Variants in NSD2 observed in about 807,000 individuals in gnomAD.
The protein encoded by NSD2 is nuclear receptor binding SET domain protein 2.
A neutral mutation model predicts 139.0 loss-of-function variants in NSD2; 12 were observed. That is an observed-to-expected ratio of 0.09 (90% CI 0.06 to 0.14). The LOEUF (loss-of-function observed/expected upper bound fraction) is 0.14, where lower values mean the gene tolerates loss of function less well. Among genes scored for constraint, NSD2 ranks in the 10% least tolerant of loss-of-function variants. The pLI, the probability that NSD2 is intolerant of heterozygous loss-of-function variation, is 1.00. For missense variants in NSD2, 1,155 were observed against 1,745.0 expected (o/e 0.66, Z 6.02); for synonymous variants, 669 against 648.7 (o/e 1.03, Z -0.48).
chr4:1,890,817 C>G lies in NSD2; in HGVS notation c.-29-9809C>G, dbSNP rs191956605. On this transcript the variant is annotated intron_variant, in intron 1 of 21. Coordinates refer to ENST00000508803, the MANE Select transcript of NSD2 (RefSeq NM_001042424.3). ...TTCACCATGTTGGCCAGGCTGGTCT[C>G]GAACTCCTGACCTCAGGTGATCACC... 5.4e-3 allele frequency among the ~76,000 whole-genome samples: 823 copies of G among 151,868 alleles called. 5 individuals are homozygous for G. The highest frequency in any genetic ancestry group is 0.019 in the African/African-American group (792 of 41,392).
intron 7 of NSD2, among the ~76,000 whole-genome samples, chr4:1,935,874 CAAAA>C (rs3216204): frequency 3.3e-5 from 5 of 151,586 alleles, no homozygotes; most frequent in Admixed American, 6.6e-5. Context: ...AAAAAACAAA[CAAAA>C]AAACCCCCAA....
At chr4:1,940,548 G>A in intron 9 of NSD2, 2 of 1,064,622 alleles carry the variant, frequency 1.9e-6, no homozygotes, top group Non-Finnish European at 2.3e-6. Context: ...GATTTTTAGG[G>A]ATTACCTTCA....
chr4:1,944,606 T>G, intron 9 of NSD2: 1 of 1,063,116 alleles, frequency 9.4e-7, no homozygotes, highest in Non-Finnish European at 1.1e-6. Context: ...TATAAAAGCT[T>G]AGATTGTAGC....
chr4:1,961,210 C>A, intron 18 of NSD2, 59 bp downstream of exon 18: 1 of 1,418,622 alleles, frequency 7.0e-7, no homozygotes, highest in South Asian at 1.3e-5. Context: ...CCCTGATGGT[C>A]ACCTGTAGAA....
At position 1,947,145 on chromosome 4, in the gene NSD2, C is replaced by T. The variant is rs975555747; in HGVS notation, c.1882-3927C>T. ...CAGACAGTGCACAGCCTGCTGTCTG[C>T]AGTCGGCCAGACCAGGCTCCTCCCC... On this transcript the variant is annotated intron_variant, in intron 9 of 21. Transcript: ENST00000508803. 7.5e-6 allele frequency: 8 copies of T among 1,064,732 alleles called. No individual in the cohort carries two copies. In the African/African-American group the frequency reaches 8.2e-5, roughly 11 times the overall value. The allele number at this position is 1,064,732 out of a possible 1,614,324, so 66.0% of individuals were successfully genotyped here. A position where few individuals can be genotyped will look rare whatever the true frequency, so the allele number is the denominator to read the frequency against.
rs1257012195 is a variant in NSD2, at chr4:1,914,073, A to T, written c.761-2798A>T. 7.9e-5 allele frequency among the ~76,000 whole-genome samples: 12 copies of T among 152,112 alleles called. No homozygotes were observed. The East Asian group carries it at 2.1e-3, about 27-fold the overall frequency. ...AGTCTTGCTTTGTCGCCCAGGCTAG[A>T]GTTCAGTGGCGGGATCTCAGCTTGC... On this transcript the variant is annotated intron_variant, in intron 3 of 21. Transcript: ENST00000508803.
chr4:1,886,753 G>C (rs763371145), intron 1 of NSD2, among the ~76,000 whole-genome samples: 1 of 151,974 alleles, frequency 6.6e-6, no homozygotes, highest in African/African-American at 2.4e-5. Context: ...CAGGGTACTC[G>C]CTTGAACCTG....
chr4:1,940,183 G>A (rs1210427552), intron 9 of NSD2: 17 of 1,089,696 alleles, frequency 1.6e-5, no homozygotes, highest in African/African-American at 4.8e-5. Flanking sequence ...GGTGGAAGGC[G>A]ACTCACACAC....
chr4:1,975,036 C>T (rs1385541580), intron 19 of NSD2, 32 bp downstream of exon 19: 1 of 1,613,514 alleles, frequency 6.2e-7, no homozygotes, highest in Non-Finnish European at 8.5e-7. Flanking sequence ...CATGGGGCTC[C>T]TGGCTATGGG....
rs1727089260 is a variant in NSD2 at position 1,976,469 on chromosome 4, C to T, written c.3622-6C>T. 1.9e-6 allele frequency: 3 copies of T among 1,612,422 alleles called. No individual in the cohort carries two copies. The highest frequency in any genetic ancestry group is 2.7e-5 in the African/African-American group (2 of 75,008). ...CCGGTGATCTGTGCTTAATTCTTGACTCTAGACCTCGACGACCCTTTCATC... is the reference window on the plus strand; with the variant it reads ...CCGGTGATCTGTGCTTAATTCTTGATTCTAGACCTCGACGACCCTTTCATC... On this transcript the variant is annotated splice_region_variant and splice_polypyrimidine_tract_variant and intron_variant, in intron 20 of 21. Coordinates refer to ENST00000508803, the MANE Select transcript of NSD2 (RefSeq NM_001042424.3). This position sits in a 1 kb window ranked among gnomAD's most constrained non-coding sequence, Gnocchi z 5.3.
chr4:1,909,068 TAAAAA>T (rs369569430), intron 3 of NSD2, among the ~76,000 whole-genome samples: 3 of 146,924 alleles, frequency 2.0e-5, no homozygotes, highest in Non-Finnish European at 4.5e-5. Context: ...AGCTCCTCCC[TAAAAA>T]AAAAAGAGTT....
Position 1,974,243 on chromosome 4 carries a change from T to C in NSD2, c.3373-620T>C, listed in dbSNP as rs1726823438. ...TTTTTTTTTTGAGACGGAGTTTTGC[T>C]TTTGTTGCCCAGGCTGGAGTGCAGT... On this transcript the variant is annotated intron_variant, in intron 18 of 21. Coordinates refer to ENST00000508803, the MANE Select transcript of NSD2 (RefSeq NM_001042424.3). The surrounding 1 kb of genome is among the most constrained non-coding windows in gnomAD (Gnocchi z 4.0). 2.6e-5 allele frequency among the ~76,000 whole-genome samples: 4 copies of C among 151,714 alleles called. No homozygotes were observed.
chr4:1,946,415 C>T (rs1723635665), intron 9 of NSD2: 1 of 440,486 alleles, frequency 2.3e-6, no homozygotes, highest in Non-Finnish European at 3.1e-6. Flanking sequence ...CTACAAGCGG[C>T]TGCCACCACA....
chr4:1,949,194 C>A (rs768239278), intron 9 of NSD2, among the ~76,000 whole-genome samples: 11 of 152,206 alleles, frequency 7.2e-5, no homozygotes, highest in Non-Finnish European at 1.6e-4. Flanking sequence ...CGTCAAGTGG[C>A]CCTTTGTGGG....
intron 5 of NSD2, among the ~76,000 whole-genome samples, chr4:1,925,488 C>A (rs1308007974): frequency 6.7e-6 from 1 of 149,454 alleles, no homozygotes; most frequent in African/African-American, 2.5e-5. Context: ...AACCTCCTCC[C>A]CCCGGGTTCA....
chr4:1,888,793 T>C (rs1003071147), intron 1 of NSD2, among the ~76,000 whole-genome samples: 1 of 152,024 alleles, frequency 6.6e-6, no homozygotes, highest in Non-Finnish European at 1.5e-5. Context: ...CTCAAACTCC[T>C]GGCCTCAAGT....
intron 3 of NSD2, among the ~76,000 whole-genome samples, chr4:1,909,363 A>G (rs1239717004): frequency 4.6e-5 from 7 of 152,122 alleles, no homozygotes; most frequent in East Asian, 1.9e-4. Context: ...GGTTGTGTTC[A>G]TTGCTCTGGG....
At chr4:1,951,477 C>G (rs1161862542) in intron 10 of NSD2, among the ~76,000 whole-genome samples, 5 of 132,326 alleles carry the variant, frequency 3.8e-5, no homozygotes, top group East Asian at 2.4e-4. Flanking sequence ...CACACACACA[C>G]ACACACACAC....
intron 3 of NSD2, among the ~76,000 whole-genome samples, chr4:1,904,902 G>A (rs962116336): frequency 6.6e-5 from 10 of 152,128 alleles, no homozygotes; most frequent in African/African-American, 2.2e-4. Flanking sequence ...AGGCCGAGGT[G>A]GGTGGATCAC....
Sources: gnomAD v4.1 joint callset for allele counts (sites outside exome capture counted in the v4.1 genomes callset) on GRCh38, gnomAD v4.1.1 for gene constraint, Gnocchi (gnomAD v3.1) non-coding constraint, MANE v1.5 for transcripts, NCBI Gene and HGNC (gene_info 2026-07-23, HGNC 2026-07-21) for gene names.